The following SEMA6D variants were observed in gnomAD, a reference collection of about 807,000 sequenced individuals.
The protein encoded by SEMA6D is semaphorin-6D.
In SEMA6D, 35 loss-of-function variants were observed where a neutral mutation model predicts 106.6. The observed-to-expected ratio is 0.33, with a 90% CI of 0.25 to 0.44. The LOEUF (loss-of-function observed/expected upper bound fraction) is 0.44. SEMA6D is among the 20% of genes least tolerant of loss of function. SEMA6D has a pLI of 1.00. For missense variants in SEMA6D, 1,185 were observed against 1,345.9 expected (o/e 0.88, Z 1.87); for synonymous variants, 499 against 487.7 (o/e 1.02, Z -0.31).
intron 3 of SEMA6D, among the ~76,000 whole-genome samples, chr15:47,599,748 A>G (rs1366476031): frequency 6.6e-6 from 1 of 152,048 alleles, no homozygotes; most frequent in Non-Finnish European, 1.5e-5. Flanking sequence ...AACCCAGTCC[A>G]CTAATGCATA....
At chr15:47,683,841 C>G (rs1430975002) in intron 4 of SEMA6D, among the ~76,000 whole-genome samples, 1 of 152,172 alleles carries the variant, frequency 6.6e-6, no homozygotes, top group Non-Finnish European at 1.5e-5. Context: ...GACATTGTGT[C>G]TTCACTGAGT....
chr15:47,289,945 G>T (rs1313406884), intron 1 of SEMA6D, among the ~76,000 whole-genome samples: 2 of 151,984 alleles, frequency 1.3e-5, no homozygotes, highest in Non-Finnish European at 2.9e-5. Flanking sequence ...TGAAATAATT[G>T]CTGGGCTCCT....
intron 1 of SEMA6D, among the ~76,000 whole-genome samples, chr15:47,740,253 A>C (rs11629986): frequency 6.6e-6 from 1 of 152,070 alleles, no homozygotes; most frequent in Non-Finnish European, 1.5e-5. Context: ...GGGCGTGGTG[A>C]CTCATGCCTG....
intron 3 of SEMA6D, among the ~76,000 whole-genome samples, chr15:47,472,886 A>G (rs551883306): frequency 3.4e-4 from 52 of 152,276 alleles, no homozygotes; most frequent in Admixed American, 1.5e-3. Flanking sequence ...GTCAAGGACT[A>G]CTTGCCTGGT....
intron 1 of SEMA6D, among the ~76,000 whole-genome samples, chr15:47,293,410 T>C (rs1230466454): frequency 6.6e-6 from 1 of 152,192 alleles, no homozygotes. Context: ...CGTTGTTGCA[T>C]TTTTGGTGAG....
Position 47,736,336 on chromosome 15 carries a change from G to C in SEMA6D, c.-55+18644G>C, listed in dbSNP as rs1165790827. ...AGTCTGACTCCTTGTCACCCTGACAGAGGCAGAATTGCAGAATCACCCTTA... is the reference window on the plus strand; with the variant it reads ...AGTCTGACTCCTTGTCACCCTGACACAGGCAGAATTGCAGAATCACCCTTA... On this transcript the variant is annotated intron_variant, in intron 1 of 18. Coordinates refer to ENST00000536845, the MANE Select transcript of SEMA6D (RefSeq NM_001358351.3). Among the ~76,000 whole-genome samples the C allele has an allele frequency of 2.0e-5, 3 of 152,208 alleles. No homozygotes were observed. In the East Asian group the frequency reaches 5.8e-4, roughly 29 times the overall value.
chr15:47,764,505 T>C (rs1436930991), intron 11 of SEMA6D, 133 bp from the exon 12 acceptor site: 1 of 1,330,156 alleles, frequency 7.5e-7, no homozygotes, highest in African/African-American at 1.5e-5. Context: ...GGGCATAGCA[T>C]TGCTCCTTTA....
At chr15:47,331,544 C>A (rs1269646014) in intron 1 of SEMA6D, among the ~76,000 whole-genome samples, 4 of 151,982 alleles carry the variant, frequency 2.6e-5, no homozygotes, top group African/African-American at 9.7e-5. Context: ...AAAATATATA[C>A]AGTGTTATAT....
chr15:47,658,075 T>C (rs2077839403), intron 4 of SEMA6D, among the ~76,000 whole-genome samples: 1 of 152,174 alleles, frequency 6.6e-6, no homozygotes, highest in Non-Finnish European at 1.5e-5. Flanking sequence ...TAATGTGATA[T>C]TTGTAATGTC....
chr15:47,635,278 T>G (rs1373838719), intron 4 of SEMA6D, among the ~76,000 whole-genome samples: 2 of 152,050 alleles, frequency 1.3e-5, no homozygotes, highest in African/African-American at 4.8e-5. Flanking sequence ...AGATAGACAG[T>G]TTGGGATTGG....
intron 4 of SEMA6D, among the ~76,000 whole-genome samples, chr15:47,625,683 G>A (rs1447880896): frequency 2.6e-5 from 4 of 151,132 alleles, no homozygotes; most frequent in South Asian, 4.2e-4. Flanking sequence ...GAGCCTGACC[G>A]TGTCTCAAAA....
chr15:47,249,090 T>C (rs2033363513), intron 1 of SEMA6D, among the ~76,000 whole-genome samples: 1 of 152,044 alleles, frequency 6.6e-6, no homozygotes, highest in Non-Finnish European at 1.5e-5. Flanking sequence ...TAGCCGGCCA[T>C]GATGGTGCAT....
intron 3 of SEMA6D, among the ~76,000 whole-genome samples, chr15:47,598,414 G>A (rs2076578848): frequency 6.6e-6 from 1 of 152,146 alleles, no homozygotes; most frequent in Non-Finnish European, 1.5e-5. Flanking sequence ...GACAGTACAT[G>A]ATTGATTATG....
At chr15:47,465,616 T>C (rs1223344126) in intron 2 of SEMA6D, among the ~76,000 whole-genome samples, 2 of 152,132 alleles carry the variant, frequency 1.3e-5, no homozygotes, top group African/African-American at 4.8e-5. Context: ...GGTGTCATGA[T>C]AGTGAGTTTT....
chr15:47,351,315 A>G (rs1201406654), intron 1 of SEMA6D, among the ~76,000 whole-genome samples: 1 of 152,178 alleles, frequency 6.6e-6, no homozygotes, highest in Non-Finnish European at 1.5e-5. Context: ...ATTGTAAACT[A>G]TTAATTGAGT....
intron 4 of SEMA6D, among the ~76,000 whole-genome samples, chr15:47,662,188 C>T (rs2573572): frequency 0.12 from 18,279 of 152,076 alleles, 1,311 homozygotes; most frequent in East Asian, 0.23. Context: ...AATGTTGGAG[C>T]GGGGTTACTG....
At chr15:47,740,569 G>C (rs2080750877) in intron 1 of SEMA6D, among the ~76,000 whole-genome samples, 1 of 152,088 alleles carries the variant, frequency 6.6e-6, no homozygotes, top group Non-Finnish European at 1.5e-5. Context: ...TCCAGAGATA[G>C]AGACTTGCCC....
At chr15:47,754,982 C>T (rs373732423) in intron 1 of SEMA6D, among the ~76,000 whole-genome samples, 10 of 139,430 alleles carry the variant, frequency 7.2e-5, no homozygotes, top group African/African-American at 2.5e-4. Context: ...GATGGAGTCT[C>T]GCTTTGTCGC....
At position 47,695,588 on chromosome 15, in the gene SEMA6D, C is replaced by A. The variant is rs114569376; in HGVS notation, c.-54-64157C>A. ...GGGCTAGGTCTTGTTAAATGAAGTT[C>A]TTAATTCATATTATCATCTGATGTC... On this transcript the variant is annotated intron_variant, in intron 4 of 19. Transcript: ENST00000558014. Among the ~76,000 whole-genome samples, 1,296 of 152,186 alleles carry A rather than the reference C, an allele frequency of 8.5e-3. 13 individuals are homozygous for A. Among genetic ancestry groups the A allele is most frequent in the African/African-American group, 0.03 (1,255 of 41,528 alleles).
Sources: gnomAD v4.1 joint callset for allele counts (sites outside exome capture counted in the v4.1 genomes callset) on GRCh38, gnomAD v4.1.1 for gene constraint, MANE v1.5 for transcripts, NCBI Gene and HGNC (gene_info 2026-07-23, HGNC 2026-07-21) for gene names.